Variants in MAGI2 observed in about 807,000 individuals in gnomAD.
MAGI2 encodes the protein membrane associated guanylate kinase, WW and PDZ domain containing 2.
MAGI2 carries 35 observed loss-of-function variants against 133.3 expected under a neutral mutation model. That is an observed-to-expected ratio of 0.26 (90% CI 0.20 to 0.35). MAGI2 has a LOEUF of 0.35. Among genes scored for constraint, MAGI2 ranks in the 10% least tolerant of loss-of-function variants. MAGI2 has a pLI of 1.00. For synonymous variants in MAGI2, 729 were observed against 710.6 expected (o/e 1.03, Z -0.41); for missense variants, 1,636 against 1,863.4 (o/e 0.88, Z 2.25).
chr7:78,125,899 C>G lies in MAGI2; in HGVS notation c.3424-62G>C, dbSNP rs532298011. The G allele has an allele frequency of 6.0e-6, 9 of 1,509,050 alleles. No individual in the cohort carries two copies. In the East Asian group the frequency reaches 1.8e-4, roughly 30 times the overall value. 93.5% of individuals were successfully genotyped at this position (1,509,050 alleles called of 1,614,324 possible). A position where few individuals can be genotyped will look rare whatever the true frequency, so the allele number is the denominator to read the frequency against. On this transcript the variant is annotated intron_variant, in intron 19 of 21. Coordinates refer to ENST00000354212, the MANE Select transcript of MAGI2 (RefSeq NM_012301.4). ...TTAGTTATCAGAGAAGCTTCTGTGG[C>G]TAGTCTCTGTGTTCTCCTTCTGTCT...
At position 78,507,591 on chromosome 7, in the gene MAGI2, A is replaced by G. The variant is rs200748740; in HGVS notation, c.755-5804T>C. Among the ~76,000 whole-genome samples the G allele has an allele frequency of 8.5e-5, 13 of 152,320 alleles. No homozygotes were observed. In the East Asian group the frequency reaches 2.5e-3, roughly 29 times the overall value. On this transcript the variant is annotated intron_variant, in intron 4 of 21. Transcript: ENST00000354212. ...AGGGTGGAGAAGACATGTCTCCCCC[A>G]ACTCTGAGCAACTATATAGAGTACT...
intron 1 of MAGI2, among the ~76,000 whole-genome samples, chr7:79,385,200 G>T (rs573327783): frequency 6.6e-6 from 1 of 151,690 alleles, no homozygotes; most frequent in Admixed American, 6.6e-5. Flanking sequence ...ACTAGAAGGC[G>T]GTAAGGTGAT....
intron 14 of MAGI2, among the ~76,000 whole-genome samples, 160 bp from the exon 15 acceptor site, chr7:78,168,268 C>T (rs1825808056): frequency 6.6e-6 from 1 of 151,564 alleles, no homozygotes; most frequent in South Asian, 2.1e-4. Context: ...CCATCTTTTT[C>T]CTTTTTATAT....
At chr7:78,541,615 C>G (rs892010622) in intron 3 of MAGI2, among the ~76,000 whole-genome samples, 16 of 152,166 alleles carry the variant, frequency 1.1e-4, no homozygotes, top group Non-Finnish European at 7.3e-5. Context: ...CCCAGAGCAA[C>G]AGCAGCAGTG....
intron 3 of MAGI2, among the ~76,000 whole-genome samples, chr7:78,573,273 A>AATATATATATATTTATATAAAT: frequency 1.9e-5 from 1 of 51,678 alleles, no homozygotes; most frequent in Non-Finnish European, 3.0e-5. Flanking sequence ...AATATATATA[A>AATATATATATATTTATATAAAT]ATATATATAT....
At chr7:78,912,135 G>A (rs1227187823) in intron 2 of MAGI2, among the ~76,000 whole-genome samples, 1 of 152,050 alleles carries the variant, frequency 6.6e-6, no homozygotes, top group East Asian at 1.9e-4. Context: ...GCACTTCTGT[G>A]CATTTCAATA....
intron 1 of MAGI2, among the ~76,000 whole-genome samples, chr7:79,255,898 G>A (rs1316121273): frequency 1.3e-5 from 2 of 152,178 alleles, no homozygotes; most frequent in African/African-American, 4.8e-5. Context: ...ATGTTTTCCA[G>A]TTGAATGGGG....
At chr7:78,441,674 A>T (rs983265186) in intron 6 of MAGI2, among the ~76,000 whole-genome samples, 5 of 152,138 alleles carry the variant, frequency 3.3e-5, no homozygotes, top group African/African-American at 1.2e-4. Flanking sequence ...AGAAAGAAAA[A>T]AACTACAAAA....
chr7:79,023,242 T>C (rs966606828), intron 1 of MAGI2, among the ~76,000 whole-genome samples: 3 of 152,124 alleles, frequency 2.0e-5, no homozygotes, highest in African/African-American at 7.2e-5. Context: ...AACAACATGA[T>C]TATATCAATA....
intron 2 of MAGI2, among the ~76,000 whole-genome samples, chr7:79,001,792 C>G (rs990559475): frequency 1.3e-5 from 2 of 152,128 alleles, no homozygotes; most frequent in Admixed American, 1.3e-4. Context: ...AGAGACAATG[C>G]ATGCTGCCTT....
intron 1 of MAGI2, among the ~76,000 whole-genome samples, chr7:79,088,221 C>T (rs1816707797): frequency 6.6e-6 from 1 of 151,976 alleles, no homozygotes; most frequent in South Asian, 2.1e-4. Flanking sequence ...TGAAGAGGAC[C>T]TTCATATCCC....
intron 1 of MAGI2, among the ~76,000 whole-genome samples, chr7:79,367,013 A>G (rs1842743768): frequency 6.6e-6 from 1 of 152,244 alleles, no homozygotes; most frequent in South Asian, 2.1e-4. Flanking sequence ...CTCCTTCTAG[A>G]TACAGGTGAA....
In MAGI2 at chr7:78,489,743, A is replaced by G. The variant is rs1379185642; in HGVS notation, c.1045+18T>C. 1.3e-6 allele frequency: 2 copies of G among 1,590,746 alleles called. No homozygotes were observed. The highest frequency in any genetic ancestry group is 8.6e-7 in the Non-Finnish European group (1 of 1,160,680). On this transcript the variant is annotated intron_variant, in intron 6 of 21. Transcript: ENST00000354212. ...TCAAAGCACATTGCTGAAACACCAT[A>G]AAAACTTAATAACCTACCATTTTCT...
Position 79,319,075 on chromosome 7 carries a change from G to A in MAGI2, c.301+133945C>T, listed in dbSNP as rs753050451. On this transcript the variant is annotated intron_variant, in intron 1 of 21. Coordinates refer to ENST00000354212, the MANE Select transcript of MAGI2 (RefSeq NM_012301.4). ...GATGTGAATCTATTGGTATCTCAGC[G>A]TCTGCAGTCAATCTCTGATTTTTGA... Among the ~76,000 whole-genome samples, 7 of 152,072 alleles carry A rather than the reference G, an allele frequency of 4.6e-5. No homozygotes were observed. In the East Asian group the frequency reaches 5.8e-4, roughly 13 times the overall value.
At chr7:78,675,759 A>G (rs1386471416) in intron 2 of MAGI2, among the ~76,000 whole-genome samples, 1 of 152,120 alleles carries the variant, frequency 6.6e-6, no homozygotes, top group African/African-American at 2.4e-5. Context: ...AGTAGGTTGT[A>G]AACAATCCTG....
intron 1 of MAGI2, among the ~76,000 whole-genome samples, chr7:79,293,794 AT>A (rs1434780665): frequency 6.6e-6 from 1 of 152,204 alleles, no homozygotes; most frequent in Non-Finnish European, 1.5e-5. Flanking sequence ...TAGTCATTAA[AT>A]AAACATTTGC....
At chr7:78,738,149 C>T (rs1456113909) in intron 2 of MAGI2, among the ~76,000 whole-genome samples, 3 of 152,084 alleles carry the variant, frequency 2.0e-5, no homozygotes, top group Middle Eastern at 3.4e-3. Flanking sequence ...TATTAAGATA[C>T]TTTAAGTCAC....
chr7:78,696,105 T>G (rs1468301265), intron 2 of MAGI2, among the ~76,000 whole-genome samples: 1 of 152,082 alleles, frequency 6.6e-6, no homozygotes, highest in East Asian at 1.9e-4. Flanking sequence ...CTGGATAACC[T>G]TTTTATTTTT....
intron 1 of MAGI2, among the ~76,000 whole-genome samples, chr7:79,349,868 C>T (rs1341664852): frequency 1.3e-5 from 2 of 151,972 alleles, no homozygotes; most frequent in African/African-American, 2.4e-5. Context: ...TGACCTTGGG[C>T]TAGGTGCTTA....
Sources: gnomAD v4.1 joint callset for allele counts (sites outside exome capture counted in the v4.1 genomes callset) on GRCh38, gnomAD v4.1.1 for gene constraint, MANE v1.5 for transcripts, NCBI Gene and HGNC (gene_info 2026-07-23, HGNC 2026-07-21) for gene names.